The following FGF1 variants were observed in gnomAD, a reference collection of about 807,000 sequenced individuals.
FGF1 encodes the protein beta-endothelial cell growth factor.
Under a neutral mutation model 13.4 loss-of-function variants are expected in FGF1, and 9 were observed. That is an observed-to-expected ratio of 0.67 (90% confidence interval 0.40 to 1.17). The LOEUF (loss-of-function observed/expected upper bound fraction) is 1.17, where lower values mean the gene tolerates loss of function less well. Ranked by LOEUF, FGF1 falls within the 50% of genes most tolerant of loss-of-function variation. The probability of loss-of-function intolerance (pLI) is 0.01; values close to 1 mark genes in which losing one functional copy is unlikely to be tolerated. For missense variants in FGF1, 156 were observed against 192.7 expected, an observed-to-expected ratio of 0.81 and a Z score of 1.13; for synonymous variants, 93 against 79.0, an observed-to-expected ratio of 1.18 and a Z score of -0.94.
In FGF1 at chr5:142,608,219, C is replaced by T. The variant is rs116857825; in HGVS notation, c.169+5740G>A. 2.0e-4 allele frequency among the ~76,000 whole-genome samples: 31 copies of T among 152,160 alleles called. No individual in the cohort carries two copies. In the East Asian group the frequency reaches 5.8e-3, roughly 28 times the overall value. On this transcript the variant is annotated intron_variant, in intron 2 of 3. Transcript: ENST00000337706. ...GGAGAGAGAGGTTCTGCTTCTGTAG[C>T]ATGTCTGTCTGTGGCCTCTAAGCCT...
intron 1 of FGF1, among the ~76,000 whole-genome samples, chr5:142,673,656 C>T (rs962359026): frequency 6.6e-6 from 1 of 152,172 alleles, no homozygotes; most frequent in African/African-American, 2.4e-5. Flanking sequence ...TCCACTCCAG[C>T]CTCAGCCACC....
chr5:142,645,266 C>G (rs1473185506), intron 1 of FGF1, among the ~76,000 whole-genome samples: 1 of 152,214 alleles, frequency 6.6e-6, no homozygotes, highest in Non-Finnish European at 1.5e-5. Context: ...ACTCACAGCC[C>G]TGGCAGACGG....
intron 2 of FGF1, among the ~76,000 whole-genome samples, chr5:142,608,575 TATATATATACAC>T (rs1205380936): frequency 4.9e-4 from 43 of 87,744 alleles, no homozygotes; most frequent in African/African-American, 2.6e-3. Context: ...TATATATATA[TATATATATACAC>T]ACACACACAC....
At chr5:142,637,853 G>C (rs1410692713) in intron 1 of FGF1, among the ~76,000 whole-genome samples, 1 of 152,012 alleles carries the variant, frequency 6.6e-6, no homozygotes, top group Non-Finnish European at 1.5e-5. Context: ...ATTTGTGAGG[G>C]AGGTTTAAGG....
At chr5:142,647,895 C>A (rs1766458917) in intron 1 of FGF1, among the ~76,000 whole-genome samples, 1 of 152,046 alleles carries the variant, frequency 6.6e-6, no homozygotes, top group South Asian at 2.1e-4. Flanking sequence ...ACTAGCCTGG[C>A]CAACATGGTG....
intron 1 of FGF1, among the ~76,000 whole-genome samples, chr5:142,659,310 C>A (rs1312360972): frequency 6.6e-6 from 1 of 151,054 alleles, no homozygotes; most frequent in Non-Finnish European, 1.5e-5. Context: ...CTCACTACAA[C>A]CTCTGCCTCC....
chr5:142,677,034 G>A (rs1482353774), intron 1 of FGF1, among the ~76,000 whole-genome samples: 1 of 152,190 alleles, frequency 6.6e-6, no homozygotes, highest in African/African-American at 2.4e-5. Context: ...AGCCTGGACT[G>A]GCCCGGGCAG....
At chr5:142,608,559 TATATATATATATATATATATATATAC>T (rs1363120873) in intron 2 of FGF1, among the ~76,000 whole-genome samples, 21 of 80,858 alleles carry the variant, frequency 2.6e-4, no homozygotes, top group Middle Eastern at 5.6e-3. Flanking sequence ...TATATATATA[TATATATATATATATATATATATATAC>T]ACACACACAC....
intron 3 of FGF1, among the ~76,000 whole-genome samples, chr5:142,596,384 T>G (rs1448974848): frequency 6.6e-6 from 1 of 150,486 alleles, no homozygotes; most frequent in African/African-American, 2.5e-5. Context: ...GCAGGAGGAT[T>G]GCTTGAGCCC....
chr5:142,618,924 G>GTTTTTTTTT (rs1187824250), intron 1 of FGF1, among the ~76,000 whole-genome samples: 42 of 78,322 alleles, frequency 5.4e-4, no homozygotes, highest in African/African-American at 1.8e-3. Context: ...TTTTTTAGTT[G>GTTTTTTTTT]TTTTGTTTTT....
chr5:142,599,721 C>T (rs574855215), intron 3 of FGF1, among the ~76,000 whole-genome samples: 15 of 152,188 alleles, frequency 9.9e-5, no homozygotes, highest in Non-Finnish European at 1.5e-4. Context: ...CTATTCCTTT[C>T]CCATAAAGAC....
At chr5:142,596,766 C>CTT (rs1423257966) in intron 3 of FGF1, among the ~76,000 whole-genome samples, 1 of 148,642 alleles carries the variant, frequency 6.7e-6, no homozygotes, top group East Asian at 1.9e-4. Flanking sequence ...AAAAATGCTA[C>CTT]TTATAAGAAG....
intron 1 of FGF1, among the ~76,000 whole-genome samples, chr5:142,634,210 A>T (rs1024207453): frequency 5.3e-5 from 8 of 151,690 alleles, no homozygotes; most frequent in Admixed American, 3.9e-4. Context: ...AAAAAAAAAA[A>T]AAACTCCCTC....
upstream of FGF1, among the ~76,000 whole-genome samples, chr5:142,689,994 C>A (rs531565822): frequency 2.0e-5 from 3 of 149,554 alleles, no homozygotes; most frequent in East Asian, 4.0e-4. Context: ...AGCCACCGCG[C>A]CCGGCCCCTC....
At chr5:142,671,325 G>A (rs1771422205) in intron 1 of FGF1, among the ~76,000 whole-genome samples, 9 of 152,146 alleles carry the variant, frequency 5.9e-5, no homozygotes. Flanking sequence ...GTGTTTTAGG[G>A]GTAAGACGTC....
At chr5:142,681,177 A>G (rs990870066) in intron 1 of FGF1, among the ~76,000 whole-genome samples, 1 of 152,232 alleles carries the variant, frequency 6.6e-6, no homozygotes, top group South Asian at 2.1e-4. Flanking sequence ...ATTTGGTATA[A>G]AACAAATCTC....
rs116363710 is a variant in FGF1, at chr5:142,656,359, T to C, written c.-35+29598A>G. Among the ~76,000 whole-genome samples, 402 of 152,220 alleles carry C rather than the reference T, an allele frequency of 2.6e-3. 2 individuals carry two copies. The highest frequency in any genetic ancestry group is 9.2e-3 in the African/African-American group (382 of 41,516). ...AATATCTTGATTAAAAAAAAAGCTG[T>C]TATTCAGTTGGGATACTTTAAAGCC... On this transcript the variant is annotated intron_variant, in intron 1 of 3. Coordinates refer to ENST00000337706, the MANE Select transcript of FGF1 (RefSeq NM_000800.5).
chr5:142,609,274 T>G (rs1758523580), intron 2 of FGF1, among the ~76,000 whole-genome samples: 1 of 152,214 alleles, frequency 6.6e-6, no homozygotes, highest in Non-Finnish European at 1.5e-5. Context: ...TTTCCATTTG[T>G]GCAGTGAGTG....
At chr5:142,614,813 A>T (rs748148439) in intron 1 of FGF1, among the ~76,000 whole-genome samples, 21 of 152,154 alleles carry the variant, frequency 1.4e-4, no homozygotes, top group Non-Finnish European at 2.9e-4. Flanking sequence ...GGCAAATACC[A>T]TATCAAAGGA....
Sources: allele counts gnomAD v4.1 joint callset (sites outside exome capture counted in the v4.1 genomes callset), GRCh38; gene constraint gnomAD v4.1.1; transcripts MANE v1.5; gene names NCBI Gene and HGNC (gene_info 2026-07-23, HGNC 2026-07-21).